SGCZ: variants seen among roughly 807,000 people sequenced by gnomAD.
SGCZ encodes sarcoglycan zeta.
Under a neutral mutation model 41.3 loss-of-function variants are expected in SGCZ, and 40 were observed. That is an observed-to-expected ratio of 0.97 (90% CI 0.75 to 1.26). The LOEUF (loss-of-function observed/expected upper bound fraction) is 1.26. Ranked by LOEUF, SGCZ falls within the 50% of genes most tolerant of loss-of-function variation. The pLI, the probability that SGCZ is intolerant of heterozygous loss-of-function variation, is 0.00. For missense variants in SGCZ, 552 were observed against 369.8 expected (o/e 1.49, Z -4.04); for synonymous variants, 206 against 137.5 (o/e 1.50, Z -3.49).
intron 3 of SGCZ, among the ~76,000 whole-genome samples, chr8:14,321,564 T>C (rs550713737): frequency 6.6e-6 from 1 of 152,076 alleles, no homozygotes; most frequent in Non-Finnish European, 1.5e-5. Flanking sequence ...ATAAGAAAAT[T>C]CTGTATGTCA....
chr8:14,125,206 G>T (rs921550128), intron 5 of SGCZ, among the ~76,000 whole-genome samples: 2 of 152,090 alleles, frequency 1.3e-5, no homozygotes, highest in Non-Finnish European at 2.9e-5. Context: ...TGTTGGCCAG[G>T]CGTGGTGGCT....
At chr8:14,472,170 C>T (rs1329702083) in intron 2 of SGCZ, among the ~76,000 whole-genome samples, 1 of 151,860 alleles carries the variant, frequency 6.6e-6, no homozygotes, top group African/African-American at 2.4e-5. Flanking sequence ...TAGAAGTGAC[C>T]TTTAGTTGGT....
chr8:14,586,619 G>C (rs1056745538), intron 1 of SGCZ, among the ~76,000 whole-genome samples: 16 of 152,146 alleles, frequency 1.1e-4, no homozygotes, highest in African/African-American at 3.9e-4. Flanking sequence ...TAAATGCAAA[G>C]TGATGCAAAG....
intron 2 of SGCZ, among the ~76,000 whole-genome samples, chr8:14,470,475 C>T (rs1801183793): frequency 6.6e-6 from 1 of 151,828 alleles, no homozygotes; most frequent in African/African-American, 2.4e-5. Context: ...CAAAATTTGT[C>T]AAAAGTCACA....
chr8:15,043,560 A>G (rs1292556723), intron 1 of SGCZ, among the ~76,000 whole-genome samples: 1 of 152,176 alleles, frequency 6.6e-6, no homozygotes, highest in Non-Finnish European at 1.5e-5. Context: ...GAAAGGCAAC[A>G]TCATTTTTCC....
intron 3 of SGCZ, among the ~76,000 whole-genome samples, chr8:14,241,174 G>A (rs1798866945): frequency 1.3e-5 from 2 of 151,838 alleles, no homozygotes; most frequent in Non-Finnish European, 2.9e-5. Flanking sequence ...TCCACTGTCT[G>A]ATTTATATCC....
At chr8:14,392,441 G>C (rs1329078816) in intron 2 of SGCZ, among the ~76,000 whole-genome samples, 1 of 152,116 alleles carries the variant, frequency 6.6e-6, no homozygotes, top group Non-Finnish European at 1.5e-5. Flanking sequence ...TGAGTTTAAG[G>C]CTGGTTATTG....
At chr8:14,637,512 A>G (rs1466331624) in intron 1 of SGCZ, among the ~76,000 whole-genome samples, 2 of 151,654 alleles carry the variant, frequency 1.3e-5, no homozygotes, top group African/African-American at 2.4e-5. Context: ...TATTGTTCCC[A>G]TCTTTACATC....
At chr8:14,202,720 T>TA (rs1491404162) in intron 4 of SGCZ, among the ~76,000 whole-genome samples, 22 of 152,256 alleles carry the variant, frequency 1.4e-4, no homozygotes, top group African/African-American at 5.1e-4. Context: ...TAAATTGAAT[T>TA]CTTTTTTGTG....
chr8:15,050,917 C>T (rs560551230), intron 1 of SGCZ, among the ~76,000 whole-genome samples: 1 of 152,046 alleles, frequency 6.6e-6, no homozygotes, highest in Non-Finnish European at 1.5e-5. Flanking sequence ...CTTTTTTCAC[C>T]TCCTCATTAT....
chr8:14,877,108 G>T (rs1804390969), intron 1 of SGCZ, among the ~76,000 whole-genome samples: 2 of 152,070 alleles, frequency 1.3e-5, no homozygotes, highest in South Asian at 4.1e-4. Flanking sequence ...TGAGTAGCTG[G>T]GACTACAGGT....
At chr8:14,734,275 G>A (rs949604854) in intron 1 of SGCZ, among the ~76,000 whole-genome samples, 2 of 152,046 alleles carry the variant, frequency 1.3e-5, no homozygotes, top group Non-Finnish European at 1.5e-5. Flanking sequence ...TAAGATGGTA[G>A]GAAGAGAAAA....
At chr8:15,127,634 G>A (rs1378888924) in intron 1 of SGCZ, among the ~76,000 whole-genome samples, 1 of 152,064 alleles carries the variant, frequency 6.6e-6, no homozygotes, top group Non-Finnish European at 1.5e-5. Flanking sequence ...TATATTATCA[G>A]CACTTCTTGG....
chr8:14,390,988 G>T (rs75918104), intron 2 of SGCZ, among the ~76,000 whole-genome samples: 1 of 151,986 alleles, frequency 6.6e-6, no homozygotes, highest in Non-Finnish European at 1.5e-5. Context: ...AAAAAGCATA[G>T]CAAATAAAAT....
At chr8:15,157,796 T>C (rs946179941) in intron 1 of SGCZ, among the ~76,000 whole-genome samples, 1 of 152,230 alleles carries the variant, frequency 6.6e-6, no homozygotes, top group Non-Finnish European at 1.5e-5. Flanking sequence ...AGCTGAACTA[T>C]GCTAGTGGAA....
intron 3 of SGCZ, among the ~76,000 whole-genome samples, chr8:14,249,349 A>G (rs1358525266): frequency 6.6e-6 from 1 of 152,120 alleles, no homozygotes; most frequent in Admixed American, 6.5e-5. Flanking sequence ...CTGGGTCTCC[A>G]ACTGGCTAAC....
intron 1 of SGCZ, among the ~76,000 whole-genome samples, chr8:14,571,273 G>A (rs1010461172): frequency 6.6e-6 from 1 of 152,150 alleles, no homozygotes. Context: ...CTTCCACCAG[G>A]TCACTCCCTC....
chr8:15,231,186 T>A (rs1274641042), intron 1 of SGCZ, among the ~76,000 whole-genome samples: 1 of 152,216 alleles, frequency 6.6e-6, no homozygotes, highest in Non-Finnish European at 1.5e-5. Context: ...CCTGTTTCCC[T>A]GATGGACATT....
intron 1 of SGCZ, among the ~76,000 whole-genome samples, chr8:14,922,537 C>A (rs1799620626): frequency 1.3e-5 from 2 of 152,076 alleles, no homozygotes; most frequent in Admixed American, 1.3e-4. Context: ...TCACCACAAC[C>A]TCTGCCTCCC....
Sources: gnomAD v4.1 joint callset for allele counts (sites outside exome capture counted in the v4.1 genomes callset) on GRCh38, gnomAD v4.1.1 for gene constraint, MANE v1.5 for transcripts, NCBI Gene and HGNC (gene_info 2026-07-23, HGNC 2026-07-21) for gene names.